The following ZNF407 variants were observed in gnomAD, a reference collection of about 807,000 sequenced individuals.
ZNF407 encodes the protein zinc finger protein 407.
A neutral mutation model predicts 131.2 loss-of-function variants in ZNF407; 17 were observed. The observed-to-expected ratio is 0.13, with a 90% CI of 0.09 to 0.19. The LOEUF (loss-of-function observed/expected upper bound fraction) is 0.19, where lower values mean the gene tolerates loss of function less well. Ranked by LOEUF, ZNF407 falls within the 10% of genes least tolerant of loss-of-function variation. The pLI, the probability that ZNF407 is intolerant of heterozygous loss-of-function variation, is 1.00. For synonymous variants in ZNF407, 1,156 were observed against 1,062.0 expected, an observed-to-expected ratio of 1.09 and a Z score of -1.72; for missense variants, 2,681 against 2,830.6, an observed-to-expected ratio of 0.95 and a Z score of 1.20.
chr18:74,759,543 A>G (rs1009669713), intron 3 of ZNF407, among the ~76,000 whole-genome samples: 1 of 147,196 alleles, frequency 6.8e-6, no homozygotes, highest in Non-Finnish European at 1.5e-5. Flanking sequence ...TCTCCTTGTT[A>G]TTCTCCTTTT....
chr18:74,666,366 C>T (rs1252911552), intron 3 of ZNF407, among the ~76,000 whole-genome samples: 1 of 152,130 alleles, frequency 6.6e-6, no homozygotes, highest in East Asian at 1.9e-4. Flanking sequence ...GGTTCCTGGG[C>T]ACTCTGTGTT....
chr18:75,001,608 A>G (rs1340947230), intron 8 of ZNF407, among the ~76,000 whole-genome samples: 1 of 152,224 alleles, frequency 6.6e-6, no homozygotes, highest in Non-Finnish European at 1.5e-5. Context: ...TCAACCCAGC[A>G]CACATGATGG....
chr18:74,811,689 C>T (rs1407806525), intron 4 of ZNF407, among the ~76,000 whole-genome samples: 1 of 151,760 alleles, frequency 6.6e-6, no homozygotes, highest in Non-Finnish European at 1.5e-5. Flanking sequence ...GAATACTATG[C>T]AGCCATAAAA....
At chr18:75,017,190 CAAAT>C (rs1195534054) in intron 8 of ZNF407, among the ~76,000 whole-genome samples, 1 of 152,014 alleles carries the variant, frequency 6.6e-6, no homozygotes, top group Non-Finnish European at 1.5e-5. Flanking sequence ...CTAATTAAAA[CAAAT>C]AATAACAAGT....
intron 3 of ZNF407, among the ~76,000 whole-genome samples, chr18:74,711,925 G>T (rs2144848235): frequency 6.6e-6 from 1 of 152,248 alleles, no homozygotes; most frequent in Middle Eastern, 3.4e-3. Flanking sequence ...GGCCAGGCTG[G>T]TCTTGAACTC....
Position 74,890,017 on chromosome 18 carries a change from G to C in ZNF407, c.5228G>C (p.Arg1743Thr). ...GTCCACACTGGAGAAAAGCCCTACA[G>C]ATGCCCCTGGTGTGACTACAGGTAA... ...KRVHTGEKPY[R>T]CPWCDYRSNC... Residue 1743 changes from arginine to threonine, a missense_variant, in exon 7 of 9, where the codon AGA (arginine) becomes ACA (threonine). Physicochemically the swap from Arg to Thr is moderately conservative, Grantham distance 71. Coordinates refer to ENST00000299687, the MANE Select transcript of ZNF407 (RefSeq NM_017757.3). 6.3e-7 allele frequency: 1 copy of C among 1,596,614 alleles called. No individual in the cohort carries two copies. The highest frequency in any genetic ancestry group is 8.5e-7 in the Non-Finnish European group (1 of 1,171,220).
intron 1 of ZNF407, among the ~76,000 whole-genome samples, chr18:74,623,535 C>T (rs1434191672): frequency 1.3e-5 from 2 of 152,178 alleles, no homozygotes; most frequent in Admixed American, 6.5e-5. Flanking sequence ...GCCGCCCTAG[C>T]GTGTGAAATG....
At chr18:74,858,381 C>G (rs1303747851) in intron 4 of ZNF407, among the ~76,000 whole-genome samples, 1 of 152,046 alleles carries the variant, frequency 6.6e-6, no homozygotes, top group Non-Finnish European at 1.5e-5. Flanking sequence ...TCTTCAGATT[C>G]AGCTGATTGT....
chr18:74,872,127 T>C (rs1290246567), intron 4 of ZNF407, among the ~76,000 whole-genome samples: 3 of 152,072 alleles, frequency 2.0e-5, no homozygotes, highest in African/African-American at 7.2e-5. Context: ...GAACTACAGT[T>C]AGCACTGTGC....
chr18:74,982,630 AG>A (rs1357442235), intron 8 of ZNF407, among the ~76,000 whole-genome samples: 1 of 152,234 alleles, frequency 6.6e-6, no homozygotes, highest in East Asian at 1.9e-4. Context: ...TTGCCTGTTA[AG>A]GGAGGAACCT....
At chr18:74,817,858 T>G (rs1970288761) in intron 4 of ZNF407, among the ~76,000 whole-genome samples, 1 of 152,176 alleles carries the variant, frequency 6.6e-6, no homozygotes. Flanking sequence ...TGAGGTGTTT[T>G]TTTGTGGACC....
At chr18:74,649,846 A>T (rs1462829039) in intron 3 of ZNF407, among the ~76,000 whole-genome samples, 1 of 152,252 alleles carries the variant, frequency 6.6e-6, no homozygotes, top group African/African-American at 2.4e-5. Context: ...AAGTTAATTA[A>T]TTGATCAACA....
chr18:75,063,826 C>A lies in ZNF407; in HGVS notation c.6105C>A (p.Pro2035=). The part of the protein sequence containing the change: ...GQEVSHVAAD[P]EAPEIQMFPQ... ...AGGTCTCCCATGTGGCTGCCGACCCCGAGGCCCCCGAGATCCAGATGTTCC... is the reference window on the plus strand; with the variant it reads ...AGGTCTCCCATGTGGCTGCCGACCCAGAGGCCCCCGAGATCCAGATGTTCC... Residue 2035 remains proline, a synonymous_variant, in exon 9 of 9, where the codon CCC becomes CCA. Transcript: ENST00000299687. This position sits in a 1 kb window ranked among gnomAD's most constrained non-coding sequence, Gnocchi z 6.6. 1 of 1,607,334 alleles carries A rather than the reference C, an allele frequency of 6.2e-7. No homozygotes were observed. The highest frequency in any genetic ancestry group is 8.5e-7 in the Non-Finnish European group (1 of 1,178,984).
intron 1 of ZNF407, among the ~76,000 whole-genome samples, chr18:74,617,080 T>C (rs1983338171): frequency 3.4e-5 from 3 of 87,090 alleles, no homozygotes; most frequent in South Asian, 3.5e-4. Flanking sequence ...TCCACACACA[T>C]CCATATCCAT....
rs768625180 is a variant in ZNF407 at position 74,682,359 on chromosome 18, C to T, written c.4802+41237C>T. On this transcript the variant is annotated intron_variant, in intron 3 of 8. Coordinates refer to ENST00000299687, the MANE Select transcript of ZNF407 (RefSeq NM_017757.3). ...GAGTCCTCTGTGGGTTTCAACAGAG[C>T]GGGGCAGCAGGATTGTCCTCCCTTT... Among the ~76,000 whole-genome samples, 4 of 152,260 alleles carry T rather than the reference C, an allele frequency of 2.6e-5. No individual in the cohort carries two copies. In the East Asian group the frequency reaches 5.8e-4, roughly 22 times the overall value.
In ZNF407 at chr18:74,875,920, A is replaced by T. The variant is rs1436927691; in HGVS notation, c.4878-1277A>T. On this transcript the variant is annotated intron_variant, in intron 4 of 8. Transcript: ENST00000299687. ...CCTTTTGAAAATATAACTAAATAGA[A>T]TAAAAGATTTTTATAAAAGACAATT... 2.0e-5 allele frequency among the ~76,000 whole-genome samples: 3 copies of T among 152,238 alleles called. 1 individual carries two copies. The South Asian group carries it at 6.2e-4, about 32-fold the overall frequency.
rs35529971 is a variant in ZNF407, at chr18:74,849,052, C to CTTTTTTTTTT, written c.4878-28140_4878-28131dup. ...TGGTGACTTTGGGCTACTTTTGTTT[C>CTTTTTTTTTT]TTTTTTTTTTTTTTATTTTTTATTT... On this transcript the variant is annotated intron_variant, in intron 4 of 8. Coordinates refer to ENST00000299687, the MANE Select transcript of ZNF407 (RefSeq NM_017757.3). 8.1e-3 allele frequency among the ~76,000 whole-genome samples: 989 copies of CTTTTTTTTTT among 122,084 alleles called. 10 individuals are homozygous for CTTTTTTTTTT. The highest frequency in any genetic ancestry group is 0.011 in the Non-Finnish European group (645 of 59,864). 80.1% of individuals were successfully genotyped at this position (122,084 alleles called of 152,430 possible).
At chr18:74,618,091 A>G (rs1419957100) in intron 1 of ZNF407, among the ~76,000 whole-genome samples, 1 of 152,138 alleles carries the variant, frequency 6.6e-6, no homozygotes, top group Non-Finnish European at 1.5e-5. Context: ...TAATGGTTTA[A>G]TGGGACCGCA....
intron 8 of ZNF407, among the ~76,000 whole-genome samples, chr18:75,033,385 G>A (rs1036768590): frequency 2.0e-5 from 3 of 152,160 alleles, no homozygotes; most frequent in Admixed American, 1.3e-4. Context: ...CAGCAACTTC[G>A]TTTTTGTTTT....
Sources: gnomAD v4.1 joint callset for allele counts (sites outside exome capture counted in the v4.1 genomes callset) on GRCh38, gnomAD v4.1.1 for gene constraint, Gnocchi (gnomAD v3.1) non-coding constraint, MANE v1.5 for transcripts, NCBI Gene and HGNC (gene_info 2026-07-23, HGNC 2026-07-21) for gene names.